The following PER3 variants were observed in gnomAD, a reference collection of about 807,000 sequenced individuals.
The protein encoded by PER3 is period circadian protein homolog 3.
PER3 carries 107 observed loss-of-function variants against 127.2 expected under a neutral mutation model. The ratio of observed to expected loss-of-function variants is 0.84; its 90% CI spans 0.72 to 0.99. The LOEUF (loss-of-function observed/expected upper bound fraction) is 0.99, where lower values mean the gene tolerates loss of function less well. PER3 is among the 50% of genes least tolerant of loss of function. The pLI is 0.00. For synonymous variants in PER3, 618 were observed against 585.8 expected, an observed-to-expected ratio of 1.05 and a Z score of -0.79; for missense variants, 1,560 against 1,525.8, an observed-to-expected ratio of 1.02 and a Z score of -0.37.
intron 21 of PER3, among the ~76,000 whole-genome samples, chr1:7,842,362 C>T (rs939129993): frequency 1.1e-4 from 16 of 151,862 alleles, no homozygotes; most frequent in African/African-American, 2.7e-4. Flanking sequence ...TAGCTGGGCG[C>T]GGTGGTGGGC....
intron 19 of PER3, 131 bp downstream of exon 19, chr1:7,830,292 T>A: frequency 1.3e-6 from 1 of 760,202 alleles, no homozygotes; most frequent in Non-Finnish European, 2.1e-6. Flanking sequence ...TTTTTCCTTT[T>A]TGTCAGGTAT....
rs1293140052 is a variant in PER3 at position 7,843,880 on chromosome 1, ACT to A, written c.*1130_*1131del. 8.9e-6 allele frequency: 11 copies of A among 1,238,726 alleles called. No individual in the cohort carries two copies. The highest frequency in any genetic ancestry group is 1.0e-5 in the Non-Finnish European group (10 of 960,488). The allele number at this position is 1,238,726 out of a possible 1,614,324, so 76.7% of individuals were successfully genotyped here. On this transcript the variant is annotated 3_prime_UTR_variant, in exon 22 of 22. Transcript: ENST00000377532. ...GATTGTTTACTTGATAAATCAGCTC[ACT>A]CTCTGGTGCTTTTTAGAGAAGTCCC...
In PER3 at chr1:7,789,880, CT is replaced by C. The variant is rs1385967243; in HGVS notation, c.592+1637del. On this transcript the variant is annotated intron_variant, in intron 5 of 21. Transcript: ENST00000377532. ...GCTTCTAGCTCATCTCTTTTCCCAT[CT>C]TTCAAAAATACTGATTTTATTTCTC... 2.0e-5 allele frequency among the ~76,000 whole-genome samples: 3 copies of C among 152,196 alleles called. No individual in the cohort carries two copies. The East Asian group carries it at 5.8e-4, about 29-fold the overall frequency.
intron 8 of PER3, among the ~76,000 whole-genome samples, chr1:7,801,685 T>A (rs1242019230): frequency 1.3e-5 from 2 of 152,240 alleles, no homozygotes; most frequent in African/African-American, 2.4e-5. Context: ...CTTCTGTCCT[T>A]CCTACTTTTG....
At chr1:7,786,215 A>G (rs2097089830) in intron 3 of PER3, among the ~76,000 whole-genome samples, 1 of 152,232 alleles carries the variant, frequency 6.6e-6, no homozygotes. Context: ...AGATCACGCC[A>G]CTGCACTCCC....
In PER3 at chr1:7,841,587, C is replaced by T. The variant is rs146776669; in HGVS notation, c.3550-1085C>T. ...AAAGTTGCAGGCGTTCAGATAGACT[C>T]GAGTTCCAAATAGTTACCTCGGACT... On this transcript the variant is annotated intron_variant, in intron 21 of 21. Transcript: ENST00000377532. 1.6e-4 allele frequency among the ~76,000 whole-genome samples: 25 copies of T among 152,260 alleles called. No homozygotes were observed. In the East Asian group the frequency reaches 3.9e-3, roughly 24 times the overall value.
At chr1:7,803,959 G>A in intron 10 of PER3, 111 bp downstream of exon 10, 4 of 892,760 alleles carry the variant, frequency 4.5e-6, no homozygotes, top group South Asian at 1.7e-5. Context: ...ATAAAGCACA[G>A]ATTTGTTTTC....
In PER3 at chr1:7,789,349, C is replaced by T. The variant is rs531750916; in HGVS notation, c.592+1103C>T. Among the ~76,000 whole-genome samples the T allele has an allele frequency of 1.6e-4, 25 of 152,156 alleles. No homozygotes were observed. The South Asian group carries it at 1.7e-3, about 10-fold the overall frequency. On this transcript the variant is annotated intron_variant, in intron 5 of 21. Coordinates refer to ENST00000377532, the MANE Select transcript of PER3 (RefSeq NM_001377275.1). ...GTGGGAGATAATTGCATCATGAGGG[C>T]GTCTTTCCCATGCTGTTCTCGTGAT...
intron 21 of PER3, among the ~76,000 whole-genome samples, chr1:7,840,168 C>T (rs945714755): frequency 1.3e-5 from 2 of 152,056 alleles, no homozygotes; most frequent in African/African-American, 4.8e-5. Flanking sequence ...TTGAATCCCT[C>T]TAGTGAATTT....
intron 6 of PER3, among the ~76,000 whole-genome samples, chr1:7,794,365 C>G (rs975308437): frequency 6.6e-6 from 1 of 152,014 alleles, no homozygotes; most frequent in Admixed American, 6.6e-5. Context: ...TGGTAGTGCA[C>G]GCCTGTAGTC....
chr1:7,833,835 C>T (rs1343645506), intron 19 of PER3, among the ~76,000 whole-genome samples: 1 of 152,090 alleles, frequency 6.6e-6, no homozygotes, highest in Non-Finnish European at 1.5e-5. Flanking sequence ...TCCTACCCTC[C>T]TCCTTTCGGG....
At chr1:7,832,729 C>G (rs539863262) in intron 19 of PER3, among the ~76,000 whole-genome samples, 10 of 140,022 alleles carry the variant, frequency 7.1e-5, no homozygotes, top group Non-Finnish European at 1.4e-4. Flanking sequence ...TTTTTTTTTT[C>G]TTATTTCTTA....
At chr1:7,806,059 G>A (rs1263897008) in intron 10 of PER3, among the ~76,000 whole-genome samples, 1 of 152,172 alleles carries the variant, frequency 6.6e-6, no homozygotes, top group Non-Finnish European at 1.5e-5. Context: ...GAATGTAATG[G>A]TAATCAAAAC....
At chr1:7,815,801 C>G (rs1301513452) in intron 13 of PER3, among the ~76,000 whole-genome samples, 1 of 149,600 alleles carries the variant, frequency 6.7e-6, no homozygotes, top group Non-Finnish European at 1.5e-5. Flanking sequence ...CTGGCTAACA[C>G]GGTGAAACTC....
chr1:7,830,782 A>T (rs184823013), intron 19 of PER3, among the ~76,000 whole-genome samples: 2 of 152,288 alleles, frequency 1.3e-5, no homozygotes, highest in African/African-American at 4.8e-5. Flanking sequence ...TAACTTGACC[A>T]TACACGTGTG....
chr1:7,813,975 A>G (rs1011331039), intron 13 of PER3, among the ~76,000 whole-genome samples: 1 of 152,352 alleles, frequency 6.6e-6, no homozygotes, highest in Admixed American at 6.5e-5. Flanking sequence ...CGGGTGGGTA[A>G]TCACAGCGTA....
intron 16 of PER3, among the ~76,000 whole-genome samples, chr1:7,821,854 G>A: frequency 6.6e-6 from 1 of 152,172 alleles, no homozygotes; most frequent in East Asian, 1.9e-4. Flanking sequence ...TTTCTGAAAA[G>A]CTCATATTCA....
chr1:7,788,907 G>GAAA (rs56279930), intron 5 of PER3, among the ~76,000 whole-genome samples: 6,675 of 141,696 alleles, frequency 0.047, 526 homozygotes, highest in East Asian at 0.26. Flanking sequence ...TGTTTCTGGG[G>GAAA]AAAAAAAAAA....
chr1:7,828,960 G>A (rs1032470940), intron 18 of PER3, among the ~76,000 whole-genome samples: 1 of 152,174 alleles, frequency 6.6e-6, no homozygotes, highest in African/African-American at 2.4e-5. Flanking sequence ...TACTTGTGGG[G>A]TGCCTGGCAT....
Sources: allele counts gnomAD v4.1 joint callset (sites outside exome capture counted in the v4.1 genomes callset), GRCh38; gene constraint gnomAD v4.1.1; transcripts MANE v1.5; gene names NCBI Gene and HGNC (gene_info 2026-07-23, HGNC 2026-07-21).